MCCC2: variants seen among roughly 807,000 people sequenced by gnomAD.
MCCC2 encodes the protein methylcrotonyl-CoA carboxylase subunit 2.
In MCCC2, 52 loss-of-function variants were observed where a neutral mutation model predicts 77.2. The ratio of observed to expected loss-of-function variants is 0.67; its 90% CI spans 0.54 to 0.85. MCCC2 has a LOEUF of 0.85. Among genes scored for constraint, MCCC2 ranks in the 40% least tolerant of loss-of-function variants. The pLI is 0.00. For missense variants in MCCC2, 682 were observed against 703.2 expected, an observed-to-expected ratio of 0.97 and a Z score of 0.34; for synonymous variants, 253 against 248.4, an observed-to-expected ratio of 1.02 and a Z score of -0.18.
intron 16 of MCCC2, among the ~76,000 whole-genome samples, chr5:71,653,564 A>G (rs1164357498): frequency 6.6e-6 from 1 of 150,732 alleles, no homozygotes; most frequent in Non-Finnish European, 1.5e-5. Context: ...AGAAAAGAAA[A>G]TCAGGCCAGG....
chr5:71,625,609 T>C (rs769971121), intron 6 of MCCC2, among the ~76,000 whole-genome samples: 2 of 152,254 alleles, frequency 1.3e-5, no homozygotes, highest in Non-Finnish European at 2.9e-5. Context: ...AGATAATCTG[T>C]AACACAAACT....
In MCCC2 at chr5:71,613,653, T is replaced by G. The variant is rs1746050555; in HGVS notation, c.624+9185T>G. Among the ~76,000 whole-genome samples the G allele has an allele frequency of 2.6e-5, 4 of 152,250 alleles. No individual in the cohort carries two copies. The South Asian group carries it at 6.2e-4, about 24-fold the overall frequency. On this transcript the variant is annotated intron_variant, in intron 6 of 16. Coordinates refer to ENST00000340941, the MANE Select transcript of MCCC2 (RefSeq NM_022132.5). The stretch of plus-strand genomic sequence containing the variant: ...TGGGAGGCTGAAGCAGAAGGATTAC[T>G]TGAGCCCAGGAGGTTGAAGCTTCAG...
At chr5:71,641,663 G>A (rs1747126262) in intron 11 of MCCC2, among the ~76,000 whole-genome samples, 1 of 152,292 alleles carries the variant, frequency 6.6e-6, no homozygotes, top group East Asian at 1.9e-4. Context: ...TTGAAGAAGA[G>A]TTTTTGAGAT....
intron 5 of MCCC2, among the ~76,000 whole-genome samples, chr5:71,603,228 C>A (rs1008618205): frequency 6.6e-6 from 1 of 151,488 alleles, no homozygotes; most frequent in Non-Finnish European, 1.5e-5. Context: ...CTGGCTAACA[C>A]ACTGAAACCT....
At chr5:71,654,182 A>T (rs1283231689) in intron 16 of MCCC2, among the ~76,000 whole-genome samples, 1 of 152,124 alleles carries the variant, frequency 6.6e-6, no homozygotes, top group African/African-American at 2.4e-5. Flanking sequence ...TTTTTTGTAG[A>T]GATGGGGTTT....
chr5:71,651,347 A>ATTC (rs1747431939), intron 15 of MCCC2, among the ~76,000 whole-genome samples: 2 of 152,230 alleles, frequency 1.3e-5, no homozygotes, highest in African/African-American at 2.4e-5. Context: ...AACTTGATGA[A>ATTC]AGGCAGATCA....
At chr5:71,613,371 T>C (rs528884654) in intron 6 of MCCC2, among the ~76,000 whole-genome samples, 1 of 152,252 alleles carries the variant, frequency 6.6e-6, no homozygotes, top group East Asian at 1.9e-4. Flanking sequence ...TAAAATCAGA[T>C]CTTTTAAAAA....
chr5:71,617,681 A>G (rs1421315320), intron 6 of MCCC2, among the ~76,000 whole-genome samples: 1 of 152,158 alleles, frequency 6.6e-6, no homozygotes, highest in Non-Finnish European at 1.5e-5. Context: ...AACTTCAATT[A>G]TGTTATGTAT....
chr5:71,649,516 A>G (rs1157390658), intron 14 of MCCC2, among the ~76,000 whole-genome samples: 1 of 152,238 alleles, frequency 6.6e-6, no homozygotes, highest in African/African-American at 2.4e-5. Context: ...AGTGCAGCTA[A>G]AGTCTGGCTC....
At chr5:71,619,262 C>CT (rs1561835481) in intron 6 of MCCC2, among the ~76,000 whole-genome samples, 1 of 151,210 alleles carries the variant, frequency 6.6e-6, no homozygotes, top group African/African-American at 2.4e-5. Context: ...TTCTTTTTTT[C>CT]TTTTTTTTAA....
intron 3 of MCCC2, among the ~76,000 whole-genome samples, chr5:71,596,784 C>T (rs1216019011): frequency 3.3e-5 from 5 of 151,864 alleles, no homozygotes; most frequent in Admixed American, 3.3e-4. Flanking sequence ...ACTAAAAATA[C>T]AAAAAATTAG....
At chr5:71,624,055 A>G (rs1746452046) in intron 6 of MCCC2, among the ~76,000 whole-genome samples, 1 of 152,218 alleles carries the variant, frequency 6.6e-6, no homozygotes, top group South Asian at 2.1e-4. Context: ...GGAAGTCCCC[A>G]GAGATAAGGG....
At chr5:71,635,114 G>A in intron 9 of MCCC2, 37 bp from the exon 10 acceptor site, 1 of 1,613,372 alleles carries the variant, frequency 6.2e-7, no homozygotes, top group Non-Finnish European at 8.5e-7. Context: ...TTGAAATCAT[G>A]TCTTTAAACA....
Position 71,650,101 on chromosome 5 carries a change from G to A in MCCC2, c.1406G>A (p.Arg469His), listed in dbSNP as rs750965429. 66 of 1,613,982 alleles carry A rather than the reference G, an allele frequency of 4.1e-5. No homozygotes were observed. The highest frequency in any genetic ancestry group is 6.6e-5 in the South Asian group (6 of 91,082). Reference sequence around the variant, plus strand: ...TTTCTCTACATTTGGCCAAATGCTCGTATCTCAGTGATGGGAGGAGAGCAG... The same window carrying A: ...TTTCTCTACATTTGGCCAAATGCTCATATCTCAGTGATGGGAGGAGAGCAG... ...PRFLYIWPNA[R>H]ISVMGGEQAA... The change falls in exon 15 of 17, where the codon CGT becomes CAT. Residue 469 changes from arginine to histidine, a missense_variant. Physicochemically the swap from Arg to His is conservative, Grantham distance 29. Transcript: ENST00000340941.
At chr5:71,654,836 GA>G (rs1489625001) in intron 16 of MCCC2, among the ~76,000 whole-genome samples, 2 of 150,498 alleles carry the variant, frequency 1.3e-5, no homozygotes, top group South Asian at 4.2e-4. Context: ...TGGATCTGTA[GA>G]TTTTTTTTTT....
intron 5 of MCCC2, among the ~76,000 whole-genome samples, chr5:71,603,411 G>T (rs150378511): frequency 0.012 from 716 of 60,764 alleles, 7 homozygotes; most frequent in African/African-American, 0.043. Flanking sequence ...GAGAGAGACT[G>T]TCTCAAAAAA....
chr5:71,617,200 T>C (rs1352360918), intron 6 of MCCC2, among the ~76,000 whole-genome samples: 2 of 152,178 alleles, frequency 1.3e-5, no homozygotes, highest in Admixed American at 1.3e-4. Flanking sequence ...GACCATCTGC[T>C]CAGGCCCATG....
chr5:71,594,898 C>CTT (rs1554133335), intron 2 of MCCC2, among the ~76,000 whole-genome samples: 36 of 19,494 alleles, frequency 1.8e-3, no homozygotes, highest in African/African-American at 3.1e-3. Context: ...AAGTCTCTCT[C>CTT]TTTTTTTTTT....
chr5:71,651,775 G>A (rs1005631620), intron 15 of MCCC2, among the ~76,000 whole-genome samples: 2 of 152,166 alleles, frequency 1.3e-5, no homozygotes. Context: ...GGGTGTGGGT[G>A]TGTGGGTGGG....
Sources: gnomAD v4.1 joint callset for allele counts (sites outside exome capture counted in the v4.1 genomes callset) on GRCh38, gnomAD v4.1.1 for gene constraint, MANE v1.5 for transcripts, NCBI Gene and HGNC (gene_info 2026-07-23, HGNC 2026-07-21) for gene names.